MTUS1: variants seen among roughly 807,000 people sequenced by gnomAD.
MTUS1 encodes the protein microtubule-associated tumor suppressor 1.
Under a neutral mutation model 120.8 loss-of-function variants are expected in MTUS1, and 109 were observed. The observed-to-expected ratio is 0.90, with a 90% CI of 0.77 to 1.06. The LOEUF is 1.06. MTUS1 is among the 50% of genes least tolerant of loss of function. The probability of loss-of-function intolerance (pLI) is 0.00; values close to 1 mark genes in which losing one functional copy is unlikely to be tolerated. For synonymous variants in MTUS1, 737 were observed against 550.5 expected, an observed-to-expected ratio of 1.34 and a Z score of -4.74; for missense variants, 2,210 against 1,486.3, an observed-to-expected ratio of 1.49 and a Z score of -8.01.
At chr8:17,703,230 G>A (rs761947887) in intron 6 of MTUS1, among the ~76,000 whole-genome samples, 4 of 152,086 alleles carry the variant, frequency 2.6e-5, no homozygotes, top group African/African-American at 7.2e-5. Context: ...GAGAGATATC[G>A]TTAAATTCTT....
intron 2 of MTUS1, among the ~76,000 whole-genome samples, chr8:17,745,257 T>G (rs949883045): frequency 6.6e-6 from 1 of 152,194 alleles, no homozygotes; most frequent in Non-Finnish European, 1.5e-5. Flanking sequence ...CTGGCAGATA[T>G]CAAAATCCAT....
intron 3 of MTUS1, among the ~76,000 whole-genome samples, chr8:17,730,207 G>A (rs1211025542): frequency 6.6e-6 from 1 of 152,196 alleles, no homozygotes; most frequent in Non-Finnish European, 1.5e-5. Context: ...GCCGGGGGTG[G>A]TGGCTCGTGC....
chr8:17,722,171 G>C (rs1485909698), intron 4 of MTUS1: 2 of 1,098,176 alleles, frequency 1.8e-6, no homozygotes, highest in Non-Finnish European at 2.2e-6. Flanking sequence ...AGACAAAAAG[G>C]AATGGACAAA....
At chr8:17,675,361 T>C (rs935394317) in intron 7 of MTUS1, 109 bp from the exon 8 acceptor site, 17 of 848,734 alleles carry the variant, frequency 2.0e-5, no homozygotes, top group Non-Finnish European at 2.6e-5. Context: ...GAAGCCAAGA[T>C]ATGAATCATT....
At chr8:17,718,753 T>A (rs565597125) in intron 4 of MTUS1, among the ~76,000 whole-genome samples, 1 of 152,028 alleles carries the variant, frequency 6.6e-6, no homozygotes, top group South Asian at 2.1e-4. Context: ...GGAATCTTTA[T>A]CTTCATTTCC....
intron 6 of MTUS1, among the ~76,000 whole-genome samples, chr8:17,696,139 AG>A (rs1817894534): frequency 1.3e-5 from 2 of 152,170 alleles, no homozygotes; most frequent in Admixed American, 1.3e-4. Context: ...CTGGGAGAGG[AG>A]GGCCACTGCT....
intron 12 of MTUS1, chr8:17,651,774 A>C (rs560987604): frequency 1.3e-5 from 2 of 151,838 alleles, no homozygotes; most frequent in Admixed American, 6.6e-5. Context: ...CCTCACTCTG[A>C]CTCTGCCTTA....
intron 7 of MTUS1, among the ~76,000 whole-genome samples, chr8:17,683,532 T>C (rs1815076213): frequency 6.6e-6 from 1 of 152,178 alleles, no homozygotes; most frequent in Non-Finnish European, 1.5e-5. Context: ...CCACAAGCGA[T>C]CCTCCCTCCT....
At chr8:17,764,948 T>C (rs1297091146) in intron 1 of MTUS1, among the ~76,000 whole-genome samples, 5 of 152,286 alleles carry the variant, frequency 3.3e-5, no homozygotes, top group Non-Finnish European at 5.9e-5. Flanking sequence ...TAGTATTACA[T>C]TGTAATACAT....
At chr8:17,732,207 G>C (rs1004441925) in intron 3 of MTUS1, among the ~76,000 whole-genome samples, 1 of 152,198 alleles carries the variant, frequency 6.6e-6, no homozygotes, top group Non-Finnish European at 1.5e-5. Flanking sequence ...GGCAGAAAGA[G>C]GACATTTATG....
intron 8 of MTUS1, among the ~76,000 whole-genome samples, chr8:17,658,024 G>GACAGAC (rs1808829472): frequency 7.1e-6 from 1 of 140,442 alleles, no homozygotes; most frequent in Non-Finnish European, 1.5e-5. Context: ...TATATATATA[G>GACAGAC]ACACACACAC....
intron 13 of MTUS1, 136 bp from the exon 14 acceptor site, chr8:17,647,215 CACTA>C (rs944206077): frequency 1.6e-6 from 1 of 636,908 alleles, no homozygotes; most frequent in Admixed American, 3.1e-5. Context: ...AATATTTATA[CACTA>C]ACAAACATAC....
chr8:17,682,513 A>AC (rs1563194448), intron 7 of MTUS1, among the ~76,000 whole-genome samples: 1 of 89,936 alleles, frequency 1.1e-5, no homozygotes, highest in South Asian at 4.5e-4. Context: ...GCAAGACTCC[A>AC]TCCCAAAAAA....
chr8:17,780,578 T>C (rs773351289), intron 1 of MTUS1, among the ~76,000 whole-genome samples: 9 of 152,088 alleles, frequency 5.9e-5, no homozygotes, highest in Non-Finnish European at 1.0e-4. Flanking sequence ...TTTCCCTCTC[T>C]CCCCAGTAGC....
chr8:17,786,087 C>A (rs1200988259), intron 1 of MTUS1, among the ~76,000 whole-genome samples: 1 of 152,170 alleles, frequency 6.6e-6, no homozygotes, highest in Non-Finnish European at 1.5e-5. Flanking sequence ...CTGCCGTGAG[C>A]CAAGACTGTG....
At chr8:17,646,235 A>T (rs1805766453) in intron 14 of MTUS1, 96 bp from the exon 15 acceptor site, 4 of 1,295,756 alleles carry the variant, frequency 3.1e-6, no homozygotes, top group Admixed American at 2.9e-5. Context: ...GTCCAAAATT[A>T]TTCCTTTGGG....
At chr8:17,764,854 G>C (rs2049341232) in intron 1 of MTUS1, among the ~76,000 whole-genome samples, 2 of 152,178 alleles carry the variant, frequency 1.3e-5, no homozygotes, top group Admixed American at 6.5e-5. Context: ...CCAGGGACTG[G>C]TTTCATGGGA....
intron 3 of MTUS1, among the ~76,000 whole-genome samples, chr8:17,728,550 G>A (rs1424625314): frequency 6.6e-6 from 1 of 152,218 alleles, no homozygotes; most frequent in Non-Finnish European, 1.5e-5. Flanking sequence ...CTGACATCCT[G>A]CCACAGAATT....
At position 17,644,295 on chromosome 8, in the gene MTUS1, G is replaced by C. The variant is rs144255017; in HGVS notation, c.*1631C>G. 1.3e-5 allele frequency: 2 copies of C among 152,632 alleles called. No homozygotes were observed. Among genetic ancestry groups the C allele is most frequent in the African/African-American group, 4.8e-5 (2 of 41,446 alleles). The allele number at this position is 152,632 out of a possible 1,614,324, so 9.5% of individuals were successfully genotyped here. A position where few individuals can be genotyped will look rare whatever the true frequency, so the allele number is the denominator to read the frequency against. The stretch of plus-strand genomic sequence containing the variant: ...TAATTTAAAAGAACATGCAACATGA[G>C]TATCAACTTGCTATGTAGTGTACAT... On this transcript the variant is annotated 3_prime_UTR_variant, in exon 15 of 15. Transcript: ENST00000693296.
Sources: gnomAD v4.1 joint callset for allele counts (sites outside exome capture counted in the v4.1 genomes callset) on GRCh38, gnomAD v4.1.1 for gene constraint, MANE v1.5 for transcripts, NCBI Gene and HGNC (gene_info 2026-07-23, HGNC 2026-07-21) for gene names.